The following KALRN variants were observed in gnomAD, a reference collection of about 807,000 sequenced individuals.
KALRN encodes the protein kalirin.
Under a neutral mutation model 353.7 loss-of-function variants are expected in KALRN, and 70 were observed. That is an observed-to-expected ratio of 0.20 (90% confidence interval 0.16 to 0.24). The LOEUF is 0.24. KALRN is among the 10% of genes least tolerant of loss of function. KALRN has a pLI of 1.00. For synonymous variants in KALRN, 1,391 were observed against 1,434.8 expected, an observed-to-expected ratio of 0.97 and a Z score of 0.69; for missense variants, 2,791 against 3,756.7, an observed-to-expected ratio of 0.74 and a Z score of 6.72.
At chr3:124,039,214 A>T (rs1160787473) in intron 1 of KALRN, among the ~76,000 whole-genome samples, 3 of 152,180 alleles carry the variant, frequency 2.0e-5, no homozygotes, top group Non-Finnish European at 4.4e-5. Context: ...GTCTCCTTGG[A>T]TCAACCACCC....
At chr3:124,120,744 A>ATATATATATT (rs1491323555) in intron 1 of KALRN, among the ~76,000 whole-genome samples, 1 of 138,020 alleles carries the variant, frequency 7.2e-6, no homozygotes, top group African/African-American at 2.6e-5. Context: ...ATATATATAT[A>ATATATATATT]TTTTCACATA....
chr3:124,065,264 C>G (rs1438699035), intron 1 of KALRN, among the ~76,000 whole-genome samples: 1 of 152,188 alleles, frequency 6.6e-6, no homozygotes, highest in Non-Finnish European at 1.5e-5. Context: ...TGAGCCAACA[C>G]TGCAACAATT....
intron 10 of KALRN, among the ~76,000 whole-genome samples, chr3:124,379,281 T>G (rs900456360): frequency 2.0e-5 from 3 of 152,180 alleles, no homozygotes; most frequent in Admixed American, 6.5e-5. Context: ...AATACAATTA[T>G]AATAACCATT....
chr3:124,133,851 G>A (rs1479281645), intron 1 of KALRN, among the ~76,000 whole-genome samples: 3 of 152,096 alleles, frequency 2.0e-5, no homozygotes, highest in Admixed American at 2.0e-4. Flanking sequence ...TTAAAGAGGT[G>A]TTCTTTGACT....
chr3:124,553,548 C>T (rs2070808069), intron 33 of KALRN, among the ~76,000 whole-genome samples: 1 of 152,202 alleles, frequency 6.6e-6, no homozygotes, highest in Non-Finnish European at 1.5e-5. Flanking sequence ...TTCAGAGAAG[C>T]CCGTAACTTC....
rs142301867 is a variant in KALRN at position 124,264,534 on chromosome 3, C to G, written c.300C>G (p.Ile100Met). 3.7e-6 allele frequency: 6 copies of G among 1,614,054 alleles called. No individual in the cohort carries two copies. The highest frequency in any genetic ancestry group is 5.1e-6 in the Non-Finnish European group (6 of 1,179,992). ...GCAAACGTGGCTTCACTGTCATCAT[C>G]GACATGCGGGGCTCCAAGTGGGACC... ...DVCKRGFTVI[I>M]DMRGSKWDLI... Residue 100 changes from isoleucine (I) to methionine (M), a missense_variant, in exon 4 of 60, where the codon ATC becomes ATG. Ile to Met is a conservative substitution (Grantham distance 10, BLOSUM62 1). Transcript: ENST00000682506.
chr3:124,235,209 T>A (rs1021098333), intron 3 of KALRN, among the ~76,000 whole-genome samples: 4 of 152,200 alleles, frequency 2.6e-5, no homozygotes, highest in Non-Finnish European at 5.9e-5. Flanking sequence ...TCTATGACAC[T>A]GATTTAGGTC....
chr3:124,043,783 G>A (rs561865731), intron 1 of KALRN, among the ~76,000 whole-genome samples: 5 of 152,240 alleles, frequency 3.3e-5, no homozygotes, highest in African/African-American at 7.2e-5. Context: ...AAAAGTGCTG[G>A]TGGCTTTCTT....
At chr3:124,405,061 G>A (rs1344904265) in intron 13 of KALRN, among the ~76,000 whole-genome samples, 1 of 152,116 alleles carries the variant, frequency 6.6e-6, no homozygotes, top group Non-Finnish European at 1.5e-5. Context: ...AGAACCTTTG[G>A]AAAGAACATG....
At chr3:124,154,927 A>G (rs1255617217) in intron 1 of KALRN, among the ~76,000 whole-genome samples, 1 of 152,234 alleles carries the variant, frequency 6.6e-6, no homozygotes, top group African/African-American at 2.4e-5. Flanking sequence ...AGATCAATGG[A>G]ACAGAACAGA....
intron 1 of KALRN, among the ~76,000 whole-genome samples, chr3:124,055,292 C>A (rs868141592): frequency 1.1e-4 from 16 of 152,270 alleles, no homozygotes; most frequent in Middle Eastern, 3.4e-3. Flanking sequence ...CAACTGACTG[C>A]TGGAGGGATG....
chr3:124,667,279 A>C (rs1473795797), intron 47 of KALRN, 96 bp downstream of exon 47: 3 of 1,125,134 alleles, frequency 2.7e-6, no homozygotes, highest in African/African-American at 1.6e-5. Context: ...TTATGAACCC[A>C]GATCACATTT....
At chr3:124,465,333 T>G (rs1192460648) in intron 25 of KALRN, among the ~76,000 whole-genome samples, 1 of 152,154 alleles carries the variant, frequency 6.6e-6, no homozygotes, top group Non-Finnish European at 1.5e-5. Flanking sequence ...CACTGCATAA[T>G]CAGGTACCTG....
intron 5 of KALRN, among the ~76,000 whole-genome samples, chr3:124,286,174 TTC>T (rs1171074377): frequency 5.5e-5 from 8 of 146,522 alleles, no homozygotes; most frequent in African/African-American, 1.3e-4. Context: ...CTTTCTTTCT[TTC>T]TCTTTCTTCC....
At chr3:124,264,056 ATTTT>A (rs5852399) in intron 3 of KALRN, among the ~76,000 whole-genome samples, 1 of 143,302 alleles carries the variant, frequency 7.0e-6, no homozygotes, top group Non-Finnish European at 1.5e-5. Context: ...TGGACTTTGG[ATTTT>A]TTTTTTTTTT....
At chr3:124,041,025 C>A (rs1323475447) in intron 1 of KALRN, among the ~76,000 whole-genome samples, 1 of 152,060 alleles carries the variant, frequency 6.6e-6, no homozygotes, top group Non-Finnish European at 1.5e-5. Context: ...AAATATTTAT[C>A]AAGTGTTTAC....
At chr3:124,717,774 T>TAAATTC (rs1417889028) in intron 59 of KALRN, among the ~76,000 whole-genome samples, 1 of 152,218 alleles carries the variant, frequency 6.6e-6, no homozygotes, top group Non-Finnish European at 1.5e-5. Flanking sequence ...ATAAGGAATA[T>TAAATTC]AAATTCAAAT....
chr3:124,368,467 G>C (rs543499284), intron 10 of KALRN, among the ~76,000 whole-genome samples: 208 of 149,684 alleles, frequency 1.4e-3, no homozygotes, highest in African/African-American at 4.6e-3. Context: ...GACGATGGGC[G>C]GCCGGGCAGA....
chr3:124,041,124 C>G (rs1007502407), intron 1 of KALRN, among the ~76,000 whole-genome samples: 23 of 151,360 alleles, frequency 1.5e-4, no homozygotes, highest in Non-Finnish European at 3.1e-4. Flanking sequence ...ATAAATATAC[C>G]CCCTCTGGGA....
Sources: gnomAD v4.1 joint callset for allele counts (sites outside exome capture counted in the v4.1 genomes callset) on GRCh38, gnomAD v4.1.1 for gene constraint, MANE v1.5 for transcripts, NCBI Gene and HGNC (gene_info 2026-07-23, HGNC 2026-07-21) for gene names.